CCT3: variants seen among roughly 807,000 people sequenced by gnomAD.
CCT3 encodes T-complex protein 1 subunit gamma.
Under a neutral mutation model 65.3 loss-of-function variants are expected in CCT3, and 10 were observed. The observed-to-expected ratio is 0.15, with a 90% CI of 0.09 to 0.26. The LOEUF is 0.26. Ranked by LOEUF, CCT3 falls within the 10% of genes least tolerant of loss-of-function variation. The pLI is 1.00. For missense variants in CCT3, 626 were observed against 708.7 expected, an observed-to-expected ratio of 0.88 and a Z score of 1.33; for synonymous variants, 225 against 242.3, an observed-to-expected ratio of 0.93 and a Z score of 0.66.
chr1:156,326,161 C>G (rs761228199), intron 5 of CCT3, among the ~76,000 whole-genome samples: 1 of 151,776 alleles, frequency 6.6e-6, no homozygotes, highest in Admixed American at 6.6e-5. Context: ...TAGCAAAACC[C>G]TGTCTCTACG....
At chr1:156,312,472 C>A (rs1225245708) in intron 10 of CCT3, among the ~76,000 whole-genome samples, 2 of 151,908 alleles carry the variant, frequency 1.3e-5, no homozygotes, top group Non-Finnish European at 2.9e-5. Context: ...CCAGCCCGGG[C>A]AACATAACAA....
At chr1:156,335,521 A>C in intron 2 of CCT3, 1 of 332,810 alleles carries the variant, frequency 3.0e-6, no homozygotes, top group Non-Finnish European at 5.4e-6. Context: ...ACAAAAGGGA[A>C]TAAAGTACTT....
At chr1:156,317,036 G>T in intron 10 of CCT3, 130 bp downstream of exon 10, 2 of 780,834 alleles carry the variant, frequency 2.6e-6, no homozygotes, top group Non-Finnish European at 4.3e-6. Context: ...AGGGCAGGCA[G>T]CTAAGCCAAG....
chr1:156,313,797 A>G (rs1048937236), intron 10 of CCT3, among the ~76,000 whole-genome samples: 1 of 152,198 alleles, frequency 6.6e-6, no homozygotes, highest in African/African-American at 2.4e-5. Flanking sequence ...TACTTCATGT[A>G]AAGAACCGTC....
At position 156,309,155 on chromosome 1, in the gene CCT3, G is replaced by A. The variant is rs779595127; in HGVS notation, c.*44C>T. 2.3e-6 allele frequency: 3 copies of A among 1,282,604 alleles called. No homozygotes were observed. The South Asian group carries it at 3.5e-5, about 15-fold the overall frequency. The allele number at this position is 1,282,604 out of a possible 1,614,324, so 79.5% of individuals were successfully genotyped here. A position where few individuals can be genotyped will look rare whatever the true frequency, so the allele number is the denominator to read the frequency against. ...CTGGCACTCTGGCTCAGGAAAAGGG[G>A]AGACTCTGCTGGTTCTGTGCATTGA... is the stretch of plus-strand genomic sequence containing the variant. On this transcript the variant is annotated 3_prime_UTR_variant, in exon 14 of 14. Transcript: ENST00000295688.
intron 10 of CCT3, among the ~76,000 whole-genome samples, chr1:156,314,843 A>T (rs1225899473): frequency 6.6e-6 from 1 of 152,244 alleles, no homozygotes; most frequent in Non-Finnish European, 1.5e-5. Context: ...ACAAACTGAC[A>T]TTAGACAATC....
chr1:156,338,056 T>A (rs1665527534), intron 1 of CCT3, 98 bp downstream of exon 1: 1 of 1,325,828 alleles, frequency 7.5e-7, no homozygotes. Flanking sequence ...GAAGGCTCAG[T>A]GGCCCGGTCA....
intron 5 of CCT3, among the ~76,000 whole-genome samples, chr1:156,331,837 C>T (rs1444371683): frequency 6.6e-6 from 1 of 151,850 alleles, no homozygotes; most frequent in Non-Finnish European, 1.5e-5. Context: ...AGTTCGACAC[C>T]AGCCTGACCA....
chr1:156,333,400 T>C, intron 5 of CCT3, 147 bp downstream of exon 5: 1 of 618,000 alleles, frequency 1.6e-6, no homozygotes, highest in Non-Finnish European at 2.9e-6. Context: ...AAATGTTTTA[T>C]ACCCAACTGG....
chr1:156,309,519 C>T (rs538541050), intron 13 of CCT3, among the ~76,000 whole-genome samples: 4 of 152,060 alleles, frequency 2.6e-5, no homozygotes, highest in South Asian at 2.1e-4. Flanking sequence ...CTCCGCCTCC[C>T]GGGTTCAAGC....
At chr1:156,311,767 A>C (rs1201816684) in intron 11 of CCT3, among the ~76,000 whole-genome samples, 6 of 152,206 alleles carry the variant, frequency 3.9e-5, no homozygotes, top group African/African-American at 1.4e-4. Context: ...GCAAGATGAA[A>C]AAGTTCTGAA....
chr1:156,314,356 AG>A (rs1352059324), intron 10 of CCT3, among the ~76,000 whole-genome samples: 41 of 152,302 alleles, frequency 2.7e-4, no homozygotes, highest in African/African-American at 9.6e-4. Context: ...GCGGTGGTGA[AG>A]GGTTTCAAGA....
chr1:156,318,691 T>G (rs929831598), intron 8 of CCT3, among the ~76,000 whole-genome samples, 177 bp downstream of exon 8: 4 of 152,174 alleles, frequency 2.6e-5, no homozygotes, highest in South Asian at 4.1e-4. Flanking sequence ...TTGTTTGAGC[T>G]TCAGATCCCT....
chr1:156,312,418 T>C (rs1310928138), intron 10 of CCT3, among the ~76,000 whole-genome samples, 197 bp from the exon 11 acceptor site: 5 of 152,070 alleles, frequency 3.3e-5, no homozygotes, highest in Non-Finnish European at 7.4e-5. Flanking sequence ...CCCAGTACTT[T>C]GGGAGGCCAG....
Position 156,321,041 on chromosome 1 carries a change from C to T in CCT3, c.423-16G>A. 1.9e-6 allele frequency: 3 copies of T among 1,606,234 alleles called. No individual in the cohort carries two copies. The highest frequency in any genetic ancestry group is 2.6e-6 in the Non-Finnish European group (3 of 1,173,594). On this transcript the variant is annotated splice_polypyrimidine_tract_variant and intron_variant, in intron 6 of 13. Coordinates refer to ENST00000295688, the MANE Select transcript of CCT3 (RefSeq NM_005998.5). The stretch of plus-strand genomic sequence containing the variant: ...GACTGGGATACTAGAGAAAAGAAAA[C>T]CAGACGATATGTGAAGAAGGCATGT...
intron 12 of CCT3, 95 bp from the exon 13 acceptor site, chr1:156,310,784 CAG>C (rs1264859598): frequency 6.8e-7 from 1 of 1,480,144 alleles, no homozygotes; most frequent in Non-Finnish European, 9.3e-7. Context: ...ATGGAAGGGA[CAG>C]GGAAAAATGG....
Position 156,320,906 on chromosome 1 carries a change from T to C in CCT3, c.542A>G (p.Lys181Arg), listed in dbSNP as rs1332185920. The C allele has an allele frequency of 1.9e-6, 3 of 1,614,014 alleles. No homozygotes were observed. The highest frequency in any genetic ancestry group is 2.5e-6 in the Non-Finnish European group (3 of 1,179,956). Residue 181 changes from lysine (K) to arginine (R), a missense_variant, in exon 7 of 14, where the codon AAG (lysine) becomes AGG (arginine). Lys to Arg is a conservative substitution (Grantham distance 26). Coordinates refer to ENST00000295688, the MANE Select transcript of CCT3 (RefSeq NM_005998.5). ...ACCATTCTCCTCAAACTGTACCATCTTGACAGCATCCAGGGCAATGTTGCA... is the reference window on the plus strand; with the variant it reads ...ACCATTCTCCTCAAACTGTACCATCCTGACAGCATCCAGGGCAATGTTGCA... Reference protein sequence around the residue: ...LACNIALDAVKMVQFEENGRK... With the variant: ...LACNIALDAVRMVQFEENGRK...
At chr1:156,336,637 A>G (rs997977732) in intron 1 of CCT3, among the ~76,000 whole-genome samples, 7 of 152,252 alleles carry the variant, frequency 4.6e-5, no homozygotes, top group Non-Finnish European at 1.0e-4. Flanking sequence ...AGATTAATGC[A>G]GACCTGAAAG....
chr1:156,335,007 A>C lies in CCT3; in HGVS notation c.94-89T>G. ...GTAATAGGGAAAAGGGGCATGAACA[A>C]CCCACAGAGTCAGTGTTTTATTTTA... On this transcript the variant is annotated intron_variant, in intron 2 of 13. Coordinates refer to ENST00000295688, the MANE Select transcript of CCT3 (RefSeq NM_005998.5). 3.0e-6 allele frequency: 3 copies of C among 989,230 alleles called. No homozygotes were observed. The South Asian group carries it at 4.3e-5, about 14-fold the overall frequency. The allele number at this position is 989,230 out of a possible 1,614,324, so 61.3% of individuals were successfully genotyped here.
Sources: gnomAD v4.1 joint callset for allele counts (sites outside exome capture counted in the v4.1 genomes callset) on GRCh38, gnomAD v4.1.1 for gene constraint, MANE v1.5 for transcripts, NCBI Gene and HGNC (gene_info 2026-07-23, HGNC 2026-07-21) for gene names.